The following LDLRAD3 variants were observed in gnomAD, a reference collection of about 807,000 sequenced individuals.
LDLRAD3 encodes the protein low-density lipoprotein receptor class A domain-containing protein 3.
In LDLRAD3, 20 loss-of-function variants were observed where a neutral mutation model predicts 29.4. The ratio of observed to expected loss-of-function variants is 0.68; its 90% CI spans 0.48 to 0.99. The LOEUF (loss-of-function observed/expected upper bound fraction) is 0.99. LDLRAD3 is among the 50% of genes least tolerant of loss of function. The pLI, the probability that LDLRAD3 is intolerant of heterozygous loss-of-function variation, is 0.00. For missense variants in LDLRAD3, 420 were observed against 454.3 expected, an observed-to-expected ratio of 0.92 and a Z score of 0.69; for synonymous variants, 157 against 192.7, an observed-to-expected ratio of 0.81 and a Z score of 1.53.
chr11:36,031,734 C>T (rs568000464), intron 1 of LDLRAD3, among the ~76,000 whole-genome samples: 45 of 152,268 alleles, frequency 3.0e-4, no homozygotes, highest in African/African-American at 1.1e-3. Flanking sequence ...ATTGAGTGTC[C>T]ATGAAGGGAC....
intron 1 of LDLRAD3, among the ~76,000 whole-genome samples, chr11:36,025,330 C>G (rs1852149680): frequency 6.6e-6 from 1 of 151,694 alleles, no homozygotes; most frequent in Non-Finnish European, 1.5e-5. Context: ...AGCACAAATC[C>G]CGCTGTGTGC....
Position 36,097,560 on chromosome 11 carries a change from G to A in LDLRAD3, c.320-767G>A, listed in dbSNP as rs76969570. ...TTTCGGGTGAGGCATTTAGCATGTC[G>A]GGGTGGAGAGTGGCAAAATAGATAA... On this transcript the variant is annotated intron_variant, in intron 3 of 5. Transcript: ENST00000315571. 6.2e-3 allele frequency among the ~76,000 whole-genome samples: 937 copies of A among 152,242 alleles called. 27 individuals carry two copies. In the East Asian group the frequency reaches 0.1, roughly 16 times the overall value.
At chr11:36,070,354 A>G (rs1852877814) in intron 2 of LDLRAD3, among the ~76,000 whole-genome samples, 1 of 152,242 alleles carries the variant, frequency 6.6e-6, no homozygotes, top group Non-Finnish European at 1.5e-5. Flanking sequence ...ATATGAGCCC[A>G]CAGCTTTTGT....
At chr11:36,148,680 C>T (rs879281804) in intron 4 of LDLRAD3, among the ~76,000 whole-genome samples, 1 of 152,044 alleles carries the variant, frequency 6.6e-6, no homozygotes, top group South Asian at 2.1e-4. Flanking sequence ...TTGTATGACC[C>T]TTGGGAACAT....
intron 4 of LDLRAD3, among the ~76,000 whole-genome samples, chr11:36,118,177 A>G (rs959083376): frequency 6.6e-6 from 1 of 152,180 alleles, no homozygotes; most frequent in Non-Finnish European, 1.5e-5. Context: ...CCCACTCCAG[A>G]TACCAATAGT....
At chr11:36,189,315 G>A (rs558013080) in intron 4 of LDLRAD3, among the ~76,000 whole-genome samples, 13 of 152,044 alleles carry the variant, frequency 8.6e-5, no homozygotes, top group East Asian at 7.7e-4. Context: ...GTGAAACCCC[G>A]TCTCTACTAA....
At chr11:36,164,739 C>T (rs937578887) in intron 4 of LDLRAD3, among the ~76,000 whole-genome samples, 2 of 152,194 alleles carry the variant, frequency 1.3e-5, no homozygotes, top group Non-Finnish European at 2.9e-5. Context: ...TTCTTAAGTG[C>T]AGTGTTTTGG....
intron 3 of LDLRAD3, among the ~76,000 whole-genome samples, chr11:36,083,765 CA>C (rs1565210910): frequency 1.7e-4 from 25 of 151,514 alleles, no homozygotes; most frequent in Non-Finnish European, 2.5e-4. Context: ...CACACACACA[CA>C]CACACACACA....
intron 2 of LDLRAD3, among the ~76,000 whole-genome samples, chr11:36,069,293 T>A (rs1296100104): frequency 6.6e-6 from 1 of 152,212 alleles, no homozygotes; most frequent in Admixed American, 6.5e-5. Context: ...GCAGATTACT[T>A]TTTAGAAGTC....
At chr11:36,054,872 G>GATGGATGGATGA (rs1302909190) in intron 2 of LDLRAD3, among the ~76,000 whole-genome samples, 9 of 102,284 alleles carry the variant, frequency 8.8e-5, no homozygotes, top group African/African-American at 2.7e-4. Flanking sequence ...TGGATGAATG[G>GATGGATGGATGA]ATGGATGGAT....
rs115629581 is a variant in LDLRAD3 at position 35,972,119 on chromosome 11, C to T, written c.46+27975C>T. 6.9e-3 allele frequency among the ~76,000 whole-genome samples: 1,053 copies of T among 152,152 alleles called. 9 individuals are homozygous for T. Among genetic ancestry groups the T allele is most frequent in the African/African-American group, 0.024 (1,003 of 41,518 alleles). ...TACTGGCATCTAGATGACCACTCAG[C>T]TGTGGGTACCAATGAGGAGGAGGAG... On this transcript the variant is annotated intron_variant, in intron 1 of 5. Transcript: ENST00000315571.
At chr11:35,985,439 A>T (rs868677040) in intron 1 of LDLRAD3, among the ~76,000 whole-genome samples, 17 of 152,268 alleles carry the variant, frequency 1.1e-4, no homozygotes, top group African/African-American at 3.9e-4. Flanking sequence ...CTCTCTGGCC[A>T]TTGGGATGGT....
intron 4 of LDLRAD3, among the ~76,000 whole-genome samples, chr11:36,177,069 C>T (rs1338445574): frequency 1.3e-5 from 2 of 151,940 alleles, no homozygotes; most frequent in African/African-American, 2.4e-5. Flanking sequence ...TGTCTTCGAG[C>T]TCTGAAGTTC....
chr11:36,005,659 C>T (rs893574540), intron 1 of LDLRAD3, among the ~76,000 whole-genome samples: 3 of 152,194 alleles, frequency 2.0e-5, no homozygotes, highest in African/African-American at 7.2e-5. Flanking sequence ...TGCCCCACTC[C>T]TGGTACCCAT....
At chr11:36,227,759 T>A (rs918737801) in intron 5 of LDLRAD3, among the ~76,000 whole-genome samples, 16 of 152,286 alleles carry the variant, frequency 1.1e-4, no homozygotes, top group Non-Finnish European at 8.8e-5. Flanking sequence ...CTGAGGAACA[T>A]ACAGTTAGGA....
intron 1 of LDLRAD3, among the ~76,000 whole-genome samples, chr11:36,029,554 C>T (rs1852210108): frequency 6.6e-6 from 1 of 152,158 alleles, no homozygotes; most frequent in South Asian, 2.1e-4. Flanking sequence ...ACTGCTGCAA[C>T]ATAATTTTCC....
At chr11:35,996,527 A>G (rs1851757516) in intron 1 of LDLRAD3, among the ~76,000 whole-genome samples, 1 of 152,220 alleles carries the variant, frequency 6.6e-6, no homozygotes, top group Non-Finnish European at 1.5e-5. Context: ...GTGGCACACG[A>G]GGTTGGAAAA....
intron 1 of LDLRAD3, among the ~76,000 whole-genome samples, chr11:35,947,096 A>G (rs1851067021): frequency 6.6e-6 from 1 of 152,210 alleles, no homozygotes. Flanking sequence ...AGAGTGGTTT[A>G]GACACCTTTC....
At chr11:36,079,380 T>TG (rs1372355197) in intron 2 of LDLRAD3, among the ~76,000 whole-genome samples, 15 of 152,262 alleles carry the variant, frequency 9.9e-5, no homozygotes, top group African/African-American at 3.6e-4. Context: ...AGGATGAGGA[T>TG]GAGGATGAGG....
Sources: allele counts gnomAD v4.1 joint callset (sites outside exome capture counted in the v4.1 genomes callset), GRCh38; gene constraint gnomAD v4.1.1; transcripts MANE v1.5; gene names NCBI Gene and HGNC (gene_info 2026-07-23, HGNC 2026-07-21).